The following MYO1B variants were observed in gnomAD, a reference collection of about 807,000 sequenced individuals.
MYO1B encodes myosin IB.
A neutral mutation model predicts 159.7 loss-of-function variants in MYO1B; 72 were observed. The ratio of observed to expected loss-of-function variants is 0.45; its 90% CI spans 0.37 to 0.55. The LOEUF (loss-of-function observed/expected upper bound fraction) is 0.55. MYO1B is among the 20% of genes least tolerant of loss of function. The pLI is 0.00. For synonymous variants in MYO1B, 468 were observed against 473.8 expected, an observed-to-expected ratio of 0.99 and a Z score of 0.16; for missense variants, 1,062 against 1,364.8, an observed-to-expected ratio of 0.78 and a Z score of 3.50.
chr2:191,341,403 C>T lies in MYO1B; in HGVS notation c.347-58C>T. The T allele has an allele frequency of 2.0e-6, 3 of 1,481,718 alleles. No homozygotes were observed. In the South Asian group the frequency reaches 3.6e-5, roughly 18 times the overall value. The allele number at this position is 1,481,718 out of a possible 1,614,324, so 91.8% of individuals were successfully genotyped here. ...GTCTTCTCCCACATTTCCTCCTCCC[C>T]AAAAAGATTTTTTAAATTTCTGTGT... On this transcript the variant is annotated intron_variant, in intron 4 of 30. Transcript: ENST00000392318.
At chr2:191,254,296 T>A (rs1216584563) in intron 1 of MYO1B, among the ~76,000 whole-genome samples, 1 of 152,140 alleles carries the variant, frequency 6.6e-6, no homozygotes, top group Non-Finnish European at 1.5e-5. Context: ...CACTGCAACC[T>A]CCACCTCCCA....
intron 30 of MYO1B, among the ~76,000 whole-genome samples, chr2:191,419,918 C>T (rs1697832325): frequency 6.6e-6 from 1 of 152,040 alleles, no homozygotes; most frequent in Admixed American, 6.6e-5. Context: ...AGCCAAAAAA[C>T]AGCCGGGCCC....
chr2:191,297,154 A>G (rs1483503894), intron 3 of MYO1B, among the ~76,000 whole-genome samples: 2 of 152,236 alleles, frequency 1.3e-5, no homozygotes, highest in Non-Finnish European at 2.9e-5. Flanking sequence ...AGTTTAAAGG[A>G]AAGAGAAATA....
At chr2:191,375,609 A>G (rs940864847) in intron 13 of MYO1B, among the ~76,000 whole-genome samples, 6 of 152,262 alleles carry the variant, frequency 3.9e-5, no homozygotes, top group Middle Eastern at 3.4e-3. Context: ...CTTATAGTGT[A>G]TATTTTATGG....
At chr2:191,370,163 C>T (rs1694268859) in intron 12 of MYO1B, 64 bp from the exon 13 acceptor site, 2 of 1,006,792 alleles carry the variant, frequency 2.0e-6, no homozygotes, top group African/African-American at 1.6e-5. Context: ...ATCTATGTTC[C>T]TTGGATGCTT....
In MYO1B at chr2:191,333,953, G is replaced by T. The variant is rs370311721; in HGVS notation, c.346+3924G>T. Among the ~76,000 whole-genome samples the T allele has an allele frequency of 4.9e-4, 74 of 152,044 alleles. No homozygotes were observed. The East Asian group carries it at 6.4e-3, about 13-fold the overall frequency. The stretch of plus-strand genomic sequence containing the variant: ...GCATCTGTACTGATGCTGTATCTAC[G>T]CCCACCCCTCCCCCCATCCTATTTG... On this transcript the variant is annotated intron_variant, in intron 4 of 30. Transcript: ENST00000392318.
intron 1 of MYO1B, among the ~76,000 whole-genome samples, chr2:191,256,922 C>A (rs1686487934): frequency 6.7e-6 from 1 of 148,690 alleles, no homozygotes; most frequent in Non-Finnish European, 1.5e-5. Context: ...GGGGCTATTC[C>A]TTGTGAATCC....
chr2:191,294,065 G>T (rs574795415), intron 2 of MYO1B, among the ~76,000 whole-genome samples: 1 of 152,280 alleles, frequency 6.6e-6, no homozygotes, highest in African/African-American at 2.4e-5. Context: ...ATCATGGTGG[G>T]CCAGACACTG....
chr2:191,345,752 A>G (rs1262143424), intron 5 of MYO1B, among the ~76,000 whole-genome samples: 2 of 152,206 alleles, frequency 1.3e-5, no homozygotes, highest in African/African-American at 4.8e-5. Context: ...ATAATTAATA[A>G]TATTTAAATA....
intron 7 of MYO1B, among the ~76,000 whole-genome samples, chr2:191,358,834 C>G (rs1693470336): frequency 6.6e-6 from 1 of 152,208 alleles, no homozygotes; most frequent in Admixed American, 6.5e-5. Flanking sequence ...GCAAGAGCAG[C>G]CAAGAACATG....
rs1042875071 is a variant in MYO1B at position 191,424,010 on chromosome 2, A to G, written c.*50A>G. ...GGACTTGTTCCTTTGTAATAGTGCA[A>G]TTTGGTTTTGTTTTATTTGGGGTTC... On this transcript the variant is annotated 3_prime_UTR_variant, in exon 31 of 31. Transcript: ENST00000392318. 24 of 1,563,686 alleles carry G rather than the reference A, an allele frequency of 1.5e-5. No individual in the cohort carries two copies. The highest frequency in any genetic ancestry group is 2.3e-5 in the East Asian group (1 of 44,384).
At chr2:191,321,253 AT>A (rs1438997571) in intron 3 of MYO1B, among the ~76,000 whole-genome samples, 2 of 152,186 alleles carry the variant, frequency 1.3e-5, no homozygotes, top group Non-Finnish European at 2.9e-5. Context: ...TAAATTTAGC[AT>A]TAAGTTGTAA....
chr2:191,419,999 A>C (rs1697837277), intron 30 of MYO1B, among the ~76,000 whole-genome samples: 1 of 152,084 alleles, frequency 6.6e-6, no homozygotes, highest in African/African-American at 2.4e-5. Context: ...TTAGGAGTTC[A>C]ATACCAGCCT....
chr2:191,308,043 G>A (rs148973018), intron 3 of MYO1B, among the ~76,000 whole-genome samples: 39 of 152,166 alleles, frequency 2.6e-4, no homozygotes, highest in Non-Finnish European at 4.6e-4. Context: ...CCTGGAGGTG[G>A]GGAGGTGGGG....
At chr2:191,418,125 A>G (rs1322049175) in intron 30 of MYO1B, among the ~76,000 whole-genome samples, 1 of 152,218 alleles carries the variant, frequency 6.6e-6, no homozygotes, top group Non-Finnish European at 1.5e-5. Context: ...AAAACAGTTC[A>G]TAGGACTCTA....
intron 7 of MYO1B, among the ~76,000 whole-genome samples, chr2:191,356,904 A>C (rs1693330305): frequency 6.6e-6 from 1 of 152,214 alleles, no homozygotes; most frequent in South Asian, 2.1e-4. Flanking sequence ...TCATAATATT[A>C]GTCTTGGAGC....
chr2:191,381,388 G>A (rs546087699), intron 13 of MYO1B, 74 bp from the exon 14 acceptor site: 7 of 1,024,578 alleles, frequency 6.8e-6, no homozygotes, highest in Non-Finnish European at 9.3e-6. Flanking sequence ...CATGGATTGA[G>A]ATGTCTGAGT....
chr2:191,360,844 C>T (rs956799922), intron 8 of MYO1B, 115 bp downstream of exon 8: 4 of 677,254 alleles, frequency 5.9e-6, no homozygotes, highest in East Asian at 2.6e-5. Context: ...TGAGCTCAAG[C>T]GATTCTCCTG....
At chr2:191,278,845 G>A (rs777821148) in intron 2 of MYO1B, among the ~76,000 whole-genome samples, 2 of 152,174 alleles carry the variant, frequency 1.3e-5, no homozygotes, top group African/African-American at 4.8e-5. Context: ...TTTAAACATT[G>A]GTCTTTGAGA....
Sources: allele counts gnomAD v4.1 joint callset (sites outside exome capture counted in the v4.1 genomes callset), GRCh38; gene constraint gnomAD v4.1.1; transcripts MANE v1.5; gene names NCBI Gene and HGNC (gene_info 2026-07-23, HGNC 2026-07-21).